BEST1: variants seen among roughly 807,000 people sequenced by gnomAD.
The protein encoded by BEST1 is bestrophin-1.
Under a neutral mutation model 63.3 loss-of-function variants are expected in BEST1, and 58 were observed. The ratio of observed to expected loss-of-function variants is 0.92; its 90% CI spans 0.74 to 1.14. The LOEUF (loss-of-function observed/expected upper bound fraction) is 1.14, where lower values mean the gene tolerates loss of function less well. BEST1 is among the 50% of genes most tolerant of loss of function. The pLI, the probability that BEST1 is intolerant of heterozygous loss-of-function variation, is 0.00. For synonymous variants in BEST1, 283 were observed against 291.6 expected (o/e 0.97, Z 0.30); for missense variants, 671 against 740.1 (o/e 0.91, Z 1.08).
intron 10 of BEST1, chr11:61,963,603 TCAAG>T (rs1942299399): frequency 5.8e-6 from 6 of 1,027,894 alleles, no homozygotes; most frequent in Non-Finnish European, 5.8e-6. Flanking sequence ...TTCTGGATTC[TCAAG>T]CAGTTACTTT....
At position 61,962,329 on chromosome 11, in the gene BEST1, G is replaced by A. The variant is rs201225558; in HGVS notation, c.1175G>A (p.Arg392His). ...GATGCTCACGCTGGCATCATTGGCC[G>A]CTTCCTAGGCCTGCAGTCCCATGAT... ...EEDAHAGIIG[R>H]FLGLQSHDHH... The change falls in exon 10 of 11, where the codon CGC (arginine) becomes CAC (histidine). Residue 392 changes from arginine to histidine, a missense_variant. Arg to His is a conservative substitution (Grantham distance 29, BLOSUM62 0). Coordinates refer to ENST00000378043, the MANE Select transcript of BEST1 (RefSeq NM_004183.4). The A allele has an allele frequency of 1.3e-4, 202 of 1,614,152 alleles. No individual in the cohort carries two copies. Among genetic ancestry groups the A allele is most frequent in the Middle Eastern group, 1.6e-4 (1 of 6,062 alleles).
chr11:61,955,463 T>C (rs1941204914), intron 3 of BEST1: 2 of 1,310,848 alleles, frequency 1.5e-6, no homozygotes, highest in Non-Finnish European at 2.0e-6. Context: ...CTGGAGCCCC[T>C]GCGCGGGAGG....
In BEST1 at chr11:61,962,414, TCTC is replaced by T; in HGVS notation, c.1262_1264del (p.Leu421del). The stretch of plus-strand genomic sequence containing the variant: ...TACTGTGGCCCAAGAGGGAATCCCT[TCTC>T]CACGAGGGCCTGCCCAAAAACCACA... On this transcript the variant is annotated inframe_deletion, in exon 10 of 11. Coordinates refer to ENST00000378043, the MANE Select transcript of BEST1 (RefSeq NM_004183.4). 1.2e-6 allele frequency: 2 copies of T among 1,613,966 alleles called. No homozygotes were observed. Among genetic ancestry groups the T allele is most frequent in the South Asian group, 2.2e-5 (2 of 91,064 alleles).
intron 7 of BEST1, chr11:61,959,261 G>A (rs572412764): frequency 1.7e-6 from 1 of 584,634 alleles, no homozygotes; most frequent in Admixed American, 2.8e-5. Context: ...TACACTCAGG[G>A]ACAGCTGTGG....
rs575688509 is a variant in BEST1, at chr11:61,955,266, A to G, written c.247+65A>G. 5,805 of 1,351,066 alleles carry G rather than the reference A, an allele frequency of 4.3e-3. 31 individuals carry two copies. Among genetic ancestry groups the G allele is most frequent in the South Asian group, 4.6e-3 (403 of 86,758 alleles). 83.7% of individuals were successfully genotyped at this position (1,351,066 alleles called of 1,614,324 possible). On this transcript the variant is annotated intron_variant, in intron 3 of 10. Transcript: ENST00000378043. ...GCCCAGGCTCCAGACAGGCCAGGGG[A>G]GGATCACGAGGAGCTGCGGCAAGGG... is the stretch of plus-strand genomic sequence containing the variant.
intron 4 of BEST1, 77 bp from the exon 5 acceptor site, chr11:61,956,767 T>A: frequency 6.4e-7 from 1 of 1,574,800 alleles, no homozygotes; most frequent in South Asian, 1.1e-5. Flanking sequence ...AGTGCTGAGG[T>A]TCCTATAGGT....
upstream of BEST1, chr11:61,950,304 C>G (rs1254031706): frequency 6.5e-6 from 1 of 152,808 alleles, no homozygotes; most frequent in Non-Finnish European, 1.5e-5. Context: ...CGGCTCAGCA[C>G]TCACGTGGGC....
chr11:61,960,274 C>T (rs1008983464), intron 9 of BEST1: 1 of 627,428 alleles, frequency 1.6e-6, no homozygotes, highest in East Asian at 2.8e-5. Flanking sequence ...TTGTCCAAGG[C>T]CACATAGCTA....
intron 10 of BEST1, chr11:61,963,417 G>A: frequency 8.4e-7 from 1 of 1,192,272 alleles, no homozygotes. Context: ...GCGCCCTTAG[G>A]TCATTTTCTC....
chr11:61,955,075 C>T (rs770765294), intron 2 of BEST1, 32 bp from the exon 3 acceptor site: 2 of 1,612,638 alleles, frequency 1.2e-6, no homozygotes, highest in African/African-American at 2.7e-5. Flanking sequence ...CTCGCTGCGT[C>T]CACACAATTC....
rs770278453 is a variant in BEST1 at position 61,957,431 on chromosome 11, C to T, written c.681C>T (p.Tyr227=). Residue 227 remains tyrosine (Y), a synonymous_variant, in exon 6 of 11, where the codon TAC becomes TAT. Transcript: ENST00000378043. ...CTCAGTGTGGACACCTGTATGCCTA[C>T]GACTGGATTAGTATCCCACTGGTGT... is the stretch of plus-strand genomic sequence containing the variant. The part of the protein sequence containing the change: ...LRTQCGHLYA[Y]DWISIPLVYT... 32 of 1,613,982 alleles carry T rather than the reference C, an allele frequency of 2.0e-5. No homozygotes were observed. Among genetic ancestry groups the T allele is most frequent in the South Asian group, 3.3e-5 (3 of 91,084 alleles).
chr11:61,954,900 G>A, intron 2 of BEST1: 2 of 985,426 alleles, frequency 2.0e-6, no homozygotes, highest in Non-Finnish European at 2.4e-6. Context: ...AGAAACCACT[G>A]GAGGGGGCCT....
Position 61,956,835 on chromosome 11 carries a change from A to G in BEST1, c.482-9A>G. On this transcript the variant is annotated splice_polypyrimidine_tract_variant and intron_variant, in intron 4 of 10. Transcript: ENST00000378043. ...TCCCACCCACCGCCTTCTTCACTCC[A>G]CTCTGCAGGCTTTATGACTCCGGCA... 6.2e-7 allele frequency: 1 copy of G among 1,613,732 alleles called. No homozygotes were observed. The highest frequency in any genetic ancestry group is 8.5e-7 in the Non-Finnish European group (1 of 1,179,936).
chr11:61,964,168 G>A lies in BEST1; in HGVS notation c.*46G>A. On this transcript the variant is annotated 3_prime_UTR_variant, in exon 11 of 11. Transcript: ENST00000378043. ...CTTCGCCAGCCAGGTCCTCACCTGT[G>A]TGTACACCAGCAGGACACTGATCCA... The A allele has an allele frequency of 1.2e-6, 2 of 1,613,164 alleles. No individual in the cohort carries two copies. The highest frequency in any genetic ancestry group is 1.7e-6 in the Non-Finnish European group (2 of 1,179,818).
In BEST1 at chr11:61,955,745, G is replaced by T. The variant is rs281865225; in HGVS notation, c.275G>T (p.Arg92Leu). The T allele has an allele frequency of 6.6e-7, 1 of 1,511,050 alleles. No homozygotes were observed. Among genetic ancestry groups the T allele is most frequent in the Non-Finnish European group, 8.9e-7 (1 of 1,124,882 alleles). The allele number at this position is 1,511,050 out of a possible 1,614,324, so 93.6% of individuals were successfully genotyped here. A position where few individuals can be genotyped will look rare whatever the true frequency, so the allele number is the denominator to read the frequency against. The stretch of plus-strand genomic sequence containing the variant: ...TTCTACGTGACGCTGGTCGTGACCC[G>T]CTGGTGGAACCAGTACGAGAACCTG... ...LGFYVTLVVT[R>L]WWNQYENLPW... is the part of the protein sequence containing the mutation. The change falls in exon 4 of 11, where the codon CGC becomes CTC. Residue 92 changes from arginine to leucine, a missense_variant. By Grantham distance (102) the Arg-to-Leu change is moderately radical (BLOSUM62 -2). Coordinates refer to ENST00000378043, the MANE Select transcript of BEST1 (RefSeq NM_004183.4).
chr11:61,962,926 T>C (rs1032438912), intron 10 of BEST1, 33 bp downstream of exon 10: 5 of 1,614,176 alleles, frequency 3.1e-6, no homozygotes, highest in Non-Finnish European at 4.2e-6. Flanking sequence ...GGGCACTGCA[T>C]TGCCCTGTGC....
At chr11:61,963,195 CA>C in intron 10 of BEST1, 1 of 1,431,582 alleles carries the variant, frequency 7.0e-7, no homozygotes, top group East Asian at 2.5e-5. Flanking sequence ...CCAGGGCTGA[CA>C]GGCCAGGCTT....
intron 2 of BEST1, among the ~76,000 whole-genome samples, chr11:61,954,122 T>C (rs1016861832): frequency 6.6e-6 from 1 of 152,150 alleles, no homozygotes; most frequent in Non-Finnish European, 1.5e-5. Flanking sequence ...TAATGCATGC[T>C]GAAAAAGAGT....
rs1417478879 is a variant in BEST1, at chr11:61,955,924, C to G, written c.454C>G (p.Pro152Ala). 36 of 1,549,528 alleles carry G rather than the reference C, an allele frequency of 2.3e-5. No homozygotes were observed. Among genetic ancestry groups the G allele is most frequent in the Non-Finnish European group, 2.9e-5 (33 of 1,146,574 alleles). The change falls in exon 4 of 11, where the codon CCC becomes GCC. Residue 152 changes from proline to alanine, a missense_variant. Physicochemically the swap from Pro to Ala is conservative, Grantham distance 27. Coordinates refer to ENST00000378043, the MANE Select transcript of BEST1 (RefSeq NM_004183.4). ...SVSTAVYKRF[P>A]SAQHLVQAGF... ...CAGCACCGCAGTCTACAAGCGCTTC[C>G]CCAGCGCCCAGCACCTGGTGCAAGC... is the stretch of plus-strand genomic sequence containing the variant.
Sources: allele counts gnomAD v4.1 joint callset (sites outside exome capture counted in the v4.1 genomes callset), GRCh38; gene constraint gnomAD v4.1.1; transcripts MANE v1.5; gene names NCBI Gene and HGNC (gene_info 2026-07-23, HGNC 2026-07-21).